Variants in MBD5 observed in about 807,000 individuals in gnomAD.
MBD5 encodes the protein methyl-CpG-binding domain protein 5.
In MBD5, 13 loss-of-function variants were observed where a neutral mutation model predicts 117.3. That is an observed-to-expected ratio of 0.11 (90% CI 0.07 to 0.18). The LOEUF (loss-of-function observed/expected upper bound fraction) is 0.18. Among genes scored for constraint, MBD5 ranks in the 10% least tolerant of loss-of-function variants. MBD5 has a pLI of 1.00. For missense variants in MBD5, 1,879 were observed against 2,093.8 expected, an observed-to-expected ratio of 0.90 and a Z score of 2.00; for synonymous variants, 727 against 766.4, an observed-to-expected ratio of 0.95 and a Z score of 0.85.
chr2:148,326,654 G>A (rs1350287643), intron 3 of MBD5, among the ~76,000 whole-genome samples: 1 of 151,678 alleles, frequency 6.6e-6, no homozygotes, highest in Non-Finnish European at 1.5e-5. Flanking sequence ...GACTAGGATT[G>A]CAACCCCTGC....
intron 3 of MBD5, among the ~76,000 whole-genome samples, chr2:148,305,093 G>T (rs568141628): frequency 6.6e-6 from 1 of 151,890 alleles, no homozygotes; most frequent in Non-Finnish European, 1.5e-5. Flanking sequence ...TAAAATAAAA[G>T]GCAGGCCATT....
intron 4 of MBD5, among the ~76,000 whole-genome samples, chr2:148,439,729 T>TTC (rs1347726896): frequency 6.7e-6 from 1 of 150,086 alleles, no homozygotes; most frequent in East Asian, 1.9e-4. Flanking sequence ...CCTATGTTCA[T>TTC]TCTCTCTCTT....
rs184552167 is a variant in MBD5 at position 148,458,259 on chromosome 2, C to T, written c.-500C>T. The T allele has an allele frequency of 2.5e-6, 1 of 404,456 alleles. No homozygotes were observed. Among genetic ancestry groups the T allele is most frequent in the Non-Finnish European group, 4.4e-6 (1 of 229,256 alleles). The allele number at this position is 404,456 out of a possible 1,614,324, so 25.1% of individuals were successfully genotyped here. A position where few individuals can be genotyped will look rare whatever the true frequency, so the allele number is the denominator to read the frequency against. The stretch of plus-strand genomic sequence containing the variant: ...ACATCAGATGAACCAACCTGCAACA[C>T]CTTGGATTCAGATTGGAAGATAAAG... On this transcript the variant is annotated 5_prime_UTR_variant, in exon 5 of 14. Transcript: ENST00000642680.
intron 1 of MBD5, among the ~76,000 whole-genome samples, chr2:148,092,471 G>A (rs1695968456): frequency 6.6e-6 from 1 of 152,120 alleles, no homozygotes; most frequent in South Asian, 2.1e-4. Flanking sequence ...ATATACCATG[G>A]AATACTACTC....
chr2:148,049,193 T>C (rs923482405), intron 1 of MBD5, among the ~76,000 whole-genome samples: 1 of 152,216 alleles, frequency 6.6e-6, no homozygotes, highest in Non-Finnish European at 1.5e-5. Context: ...GGTTCTCAGC[T>C]GCCCAGTGAT....
intron 1 of MBD5, among the ~76,000 whole-genome samples, chr2:148,057,209 A>G (rs189304158): frequency 1.6e-4 from 24 of 151,740 alleles, no homozygotes; most frequent in Middle Eastern, 6.8e-3. Context: ...TATTCCATTT[A>G]TTTTTGTAAC....
intron 3 of MBD5, among the ~76,000 whole-genome samples, chr2:148,235,623 A>T (rs1700075601): frequency 1.3e-5 from 2 of 152,178 alleles, no homozygotes; most frequent in South Asian, 4.1e-4. Flanking sequence ...TACCTCAGAG[A>T]TATTGCAGGT....
intron 3 of MBD5, among the ~76,000 whole-genome samples, chr2:148,323,745 C>T (rs1306223744): frequency 6.6e-6 from 1 of 152,054 alleles, no homozygotes; most frequent in African/African-American, 2.4e-5. Flanking sequence ...GATATTAGCC[C>T]TTTGTCAGAT....
At chr2:148,318,299 T>G (rs868265310) in intron 3 of MBD5, among the ~76,000 whole-genome samples, 1,913 of 150,710 alleles carry the variant, frequency 0.013, 39 homozygotes, top group African/African-American at 0.044. Flanking sequence ...TTCTTAATGT[T>G]TTTTTTTTTA....
chr2:148,141,600 G>A (rs1322501969), intron 1 of MBD5, among the ~76,000 whole-genome samples: 5 of 151,992 alleles, frequency 3.3e-5, no homozygotes, highest in Non-Finnish European at 5.9e-5. Flanking sequence ...ATATCCACAG[G>A]CAGAGCTTTG....
chr2:148,135,517 G>A (rs1247736581), intron 1 of MBD5, among the ~76,000 whole-genome samples: 2 of 152,062 alleles, frequency 1.3e-5, no homozygotes, highest in African/African-American at 4.8e-5. Flanking sequence ...TGTATTGCTT[G>A]TGTTAAAAGT....
intron 4 of MBD5, among the ~76,000 whole-genome samples, chr2:148,354,831 A>G (rs1248180348): frequency 6.6e-6 from 1 of 152,138 alleles, no homozygotes; most frequent in Non-Finnish European, 1.5e-5. Flanking sequence ...ATGGTATCTC[A>G]TTGTGATTTT....
intron 3 of MBD5, among the ~76,000 whole-genome samples, chr2:148,254,918 A>C (rs1490579557): frequency 6.6e-6 from 1 of 152,194 alleles, no homozygotes; most frequent in Non-Finnish European, 1.5e-5. Context: ...TGGGTCTTGC[A>C]GTGTCCTTTG....
intron 9 of MBD5, 65 bp from the exon 10 acceptor site, chr2:148,485,677 C>A: frequency 1.6e-6 from 2 of 1,240,406 alleles, no homozygotes; most frequent in Non-Finnish European, 2.3e-6. Context: ...TTCTCGGGTA[C>A]AAAGAGAGGC....
At chr2:148,343,101 T>A (rs1363076418) in intron 4 of MBD5, among the ~76,000 whole-genome samples, 1 of 152,078 alleles carries the variant, frequency 6.6e-6, no homozygotes, top group Non-Finnish European at 1.5e-5. Flanking sequence ...GCAGAGAACA[T>A]GAGTTCATTC....
intron 3 of MBD5, among the ~76,000 whole-genome samples, chr2:148,265,309 C>A (rs1465296101): frequency 6.6e-6 from 1 of 152,112 alleles, no homozygotes; most frequent in Admixed American, 6.5e-5. Flanking sequence ...TATATTCTTC[C>A]AGGCTTTGTT....
chr2:148,329,353 C>T (rs1702570976), intron 3 of MBD5, among the ~76,000 whole-genome samples: 2 of 152,130 alleles, frequency 1.3e-5, no homozygotes, highest in Admixed American at 1.3e-4. Context: ...TTTTTAAAGG[C>T]TGTGAGCTTA....
At chr2:148,041,178 T>C (rs1471821642) in intron 1 of MBD5, 2 of 152,232 alleles carry the variant, frequency 1.3e-5, no homozygotes, top group African/African-American at 4.8e-5. Flanking sequence ...ATCCCCTGTG[T>C]TAACATTTTC....
intron 2 of MBD5, among the ~76,000 whole-genome samples, chr2:148,180,352 A>ATATATATATATATATATT (rs1558961070): frequency 2.2e-5 from 3 of 138,668 alleles, no homozygotes; most frequent in African/African-American, 8.4e-5. Context: ...ACATATATAT[A>ATATATATATATATATATT]TATATATATG....
Sources: gnomAD v4.1 joint callset for allele counts (sites outside exome capture counted in the v4.1 genomes callset) on GRCh38, gnomAD v4.1.1 for gene constraint, MANE v1.5 for transcripts, NCBI Gene and HGNC (gene_info 2026-07-23, HGNC 2026-07-21) for gene names.